Variants in MERTK observed in about 807,000 individuals in gnomAD.
MERTK encodes the protein MER proto-oncogene, tyrosine kinase.
Under a neutral mutation model 99.3 loss-of-function variants are expected in MERTK, and 69 were observed. The observed-to-expected ratio is 0.70, with a 90% CI of 0.57 to 0.85. MERTK has a LOEUF of 0.85. Among genes scored for constraint, MERTK ranks in the 40% least tolerant of loss-of-function variants. MERTK has a pLI of 0.00. For missense variants in MERTK, 1,125 were observed against 1,249.4 expected (o/e 0.90, Z 1.50); for synonymous variants, 426 against 467.6 (o/e 0.91, Z 1.15).
chr2:112,010,157 C>A, intron 15 of MERTK, 91 bp downstream of exon 15: 2 of 1,018,012 alleles, frequency 2.0e-6, no homozygotes, highest in Non-Finnish European at 3.1e-6. Flanking sequence ...GAAAGTGAAG[C>A]CAGGAAGGAG....
At chr2:111,909,298 T>C (rs1684197310) in intron 1 of MERTK, among the ~76,000 whole-genome samples, 1 of 152,126 alleles carries the variant, frequency 6.6e-6, no homozygotes, top group African/African-American at 2.4e-5. Context: ...GGTGCCCTCA[T>C]ACAAAGGCTG....
intron 14 of MERTK, 74 bp downstream of exon 14, chr2:112,008,549 T>C (rs2104411795): frequency 1.8e-6 from 2 of 1,113,698 alleles, no homozygotes; most frequent in East Asian, 4.7e-5. Flanking sequence ...GGAAAAAATC[T>C]CTGGTGTAGA....
At chr2:111,952,634 A>G (rs1360767885) in intron 4 of MERTK, 5 of 152,250 alleles carry the variant, frequency 3.3e-5, no homozygotes, top group Admixed American at 6.5e-5. Context: ...GTACACACTC[A>G]TGGAATCCAC....
In MERTK at chr2:111,899,442, C is replaced by T. The variant is rs188802796; in HGVS notation, c.61+646C>T. Among the ~76,000 whole-genome samples, 229 of 152,254 alleles carry T rather than the reference C, an allele frequency of 1.5e-3. 1 individual carries two copies. Among genetic ancestry groups the T allele is most frequent in the African/African-American group, 4.9e-3 (205 of 41,548 alleles). ...GAAAAGGGGAGCGTTCTTTTCACTC[C>T]TGTTATGGCAGAACAGAACTTACAG... On this transcript the variant is annotated intron_variant, in intron 1 of 18. Coordinates refer to ENST00000295408, the MANE Select transcript of MERTK (RefSeq NM_006343.3).
chr2:112,009,906 A>G (rs11884693), intron 14 of MERTK, 42 bp from the exon 15 acceptor site: 367,211 of 1,455,634 alleles, frequency 0.25, 49,331 homozygotes, highest in Admixed American at 0.37. Flanking sequence ...TGGTCACAGT[A>G]ACAAGGACTC....
intron 15 of MERTK, among the ~76,000 whole-genome samples, chr2:112,014,183 A>G (rs1291216340): frequency 6.6e-6 from 1 of 151,990 alleles, no homozygotes; most frequent in Non-Finnish European, 1.5e-5. Context: ...CACCACACCC[A>G]GCTAATTTTT....
rs1362275560 is a variant in MERTK, at chr2:112,022,403, G to A, written c.2486+9G>A. On this transcript the variant is annotated intron_variant, in intron 18 of 18. Transcript: ENST00000295408. Reference sequence around the variant, plus strand: ...GACTGCCTGGATGAACTGTGAGTGGGCTTCTCTGTCTCCCTTCCATACTCT... The same window carrying A: ...GACTGCCTGGATGAACTGTGAGTGGACTTCTCTGTCTCCCTTCCATACTCT... The A allele has an allele frequency of 6.2e-7, 1 of 1,614,106 alleles. No homozygotes were observed. The highest frequency in any genetic ancestry group is 1.3e-5 in the African/African-American group (1 of 74,938).
chr2:111,951,763 C>T (rs1253963025), intron 4 of MERTK, among the ~76,000 whole-genome samples: 1 of 151,646 alleles, frequency 6.6e-6, no homozygotes, highest in Non-Finnish European at 1.5e-5. Flanking sequence ...AACTATTTTC[C>T]TTAATGGCTA....
chr2:112,008,104 G>A (rs1037705953), intron 13 of MERTK, among the ~76,000 whole-genome samples: 1 of 152,080 alleles, frequency 6.6e-6, no homozygotes, highest in Non-Finnish European at 1.5e-5. Flanking sequence ...GTGTTATACA[G>A]CTCTGTGGGT....
At position 111,976,678 on chromosome 2, in the gene MERTK, G is replaced by A. The variant is rs571258936; in HGVS notation, c.1144+1206G>A. 8.8e-4 allele frequency among the ~76,000 whole-genome samples: 133 copies of A among 151,494 alleles called. 1 individual carries two copies. Among genetic ancestry groups the A allele is most frequent in the African/African-American group, 2.8e-3 (117 of 41,306 alleles). On this transcript the variant is annotated intron_variant, in intron 7 of 18. Transcript: ENST00000295408. ...TCAAATGGATAGGTTTAATTGCATCGTATTTTCTATTTGTTCTATCTGTAA... is the reference window on the plus strand; with the variant it reads ...TCAAATGGATAGGTTTAATTGCATCATATTTTCTATTTGTTCTATCTGTAA...
At chr2:111,905,432 TC>T in intron 1 of MERTK, among the ~76,000 whole-genome samples, 1 of 93,388 alleles carries the variant, frequency 1.1e-5, no homozygotes, top group African/African-American at 3.6e-5. Context: ...CCTACACTGT[TC>T]TTTTTTTTTT....
intron 13 of MERTK, among the ~76,000 whole-genome samples, chr2:112,007,715 C>T (rs1032884659): frequency 6.6e-6 from 1 of 151,678 alleles, no homozygotes; most frequent in South Asian, 2.1e-4. Flanking sequence ...GCATCCAACT[C>T]ACAAGGCGTG....
chr2:111,980,811 G>A (rs1292370128), intron 7 of MERTK, among the ~76,000 whole-genome samples: 1 of 152,180 alleles, frequency 6.6e-6, no homozygotes, highest in African/African-American at 2.4e-5. Flanking sequence ...GAGCTGCTCT[G>A]TGATTCTTTG....
chr2:111,929,028 A>G (rs1684619366), intron 1 of MERTK, 92 bp from the exon 2 acceptor site: 2 of 1,295,002 alleles, frequency 1.5e-6, no homozygotes, highest in Admixed American at 3.5e-5. Flanking sequence ...AGGACACCCC[A>G]GTGCTCTCTC....
chr2:111,954,530 G>T lies in MERTK; in HGVS notation c.757+6963G>T, dbSNP rs1685113969. Among the ~76,000 whole-genome samples the T allele has an allele frequency of 2.0e-5, 3 of 152,198 alleles. No homozygotes were observed. The South Asian group carries it at 6.2e-4, about 32-fold the overall frequency. On this transcript the variant is annotated intron_variant, in intron 4 of 18. Coordinates refer to ENST00000295408, the MANE Select transcript of MERTK (RefSeq NM_006343.3). Reference sequence around the variant, plus strand: ...AGTGCCTGGCACATAAGAACTATGTGAATGAATGAATGAACTAATGAGCAA... The same window carrying T: ...AGTGCCTGGCACATAAGAACTATGTTAATGAATGAATGAACTAATGAGCAA...
intron 11 of MERTK, among the ~76,000 whole-genome samples, chr2:112,002,254 C>T (rs1260577200): frequency 6.6e-6 from 1 of 152,044 alleles, no homozygotes; most frequent in Non-Finnish European, 1.5e-5. Context: ...TTCTCCAATT[C>T]CTCAAAGTGC....
intron 1 of MERTK, among the ~76,000 whole-genome samples, chr2:111,922,426 G>T (rs1007239563): frequency 6.6e-6 from 1 of 152,186 alleles, no homozygotes; most frequent in Non-Finnish European, 1.5e-5. Context: ...TCCCAAGCCC[G>T]ATGTATATTT....
intron 1 of MERTK, among the ~76,000 whole-genome samples, chr2:111,922,660 C>T (rs1684487008): frequency 1.3e-5 from 2 of 152,206 alleles, no homozygotes; most frequent in South Asian, 4.1e-4. Flanking sequence ...GACTCGATGC[C>T]TATCAGCTCC....
intron 6 of MERTK, among the ~76,000 whole-genome samples, chr2:111,968,762 C>G (rs953468634): frequency 6.6e-6 from 1 of 152,100 alleles, no homozygotes; most frequent in Non-Finnish European, 1.5e-5. Context: ...CTCCCAACCT[C>G]AAGTGATCCG....
Sources: allele counts gnomAD v4.1 joint callset (sites outside exome capture counted in the v4.1 genomes callset), GRCh38; gene constraint gnomAD v4.1.1; transcripts MANE v1.5; gene names NCBI Gene and HGNC (gene_info 2026-07-23, HGNC 2026-07-21).